The following DMD variants were observed in gnomAD, a reference collection of about 807,000 sequenced individuals.
DMD encodes the protein dystrophin.
In DMD, 63 loss-of-function variants were observed where a neutral mutation model predicts 330.1. That is an observed-to-expected ratio of 0.19 (90% CI 0.16 to 0.24). DMD has a LOEUF of 0.24. Among genes scored for constraint, DMD ranks in the 10% least tolerant of loss-of-function variants. DMD has a pLI of 1.00. For missense variants in DMD, 3,344 were observed against 2,684.1 expected, an observed-to-expected ratio of 1.25 and a Z score of -5.43; for synonymous variants, 1,223 against 959.8, an observed-to-expected ratio of 1.27 and a Z score of -5.07.
At chrX:32,743,624 G>A (rs976692239) in intron 7 of DMD, among the ~76,000 whole-genome samples, 1 of 110,803 alleles carries the variant, frequency 9.0e-6, no homozygotes, top group Non-Finnish European at 1.9e-5. Context: ...CAAGAAAAGT[G>A]ACCGTGGAAG....
Position 31,206,602 on chromosome X carries a change from T to C in DMD, c.9629A>G (p.His3210Arg). Residue 3210 changes from histidine to arginine, a missense_variant, in exon 66 of 79, where the codon CAT becomes CGT. Coordinates refer to ENST00000357033, the MANE Select transcript of DMD (RefSeq NM_004006.3). ...CTTACATCTGTACTTGTCTTCCAAATGTGCTTTACACAGGGAAATGATGCC... is the reference window on the plus strand; with the variant it reads ...CTTACATCTGTACTTGTCTTCCAAACGTGCTTTACACAGGGAAATGATGCC... ...KTGIISLCKA[H>R]LEDKYRYLFK... 8.3e-7 allele frequency: 1 copy of C among 1,210,368 alleles called. No individual in the cohort carries two copies. The highest frequency in any genetic ancestry group is 1.8e-5 in the South Asian group (1 of 56,753).
intron 7 of DMD, among the ~76,000 whole-genome samples, chrX:32,778,029 G>C (rs1053125073): frequency 5.4e-5 from 6 of 111,775 alleles, no homozygotes; most frequent in African/African-American, 2.0e-4. Flanking sequence ...TACTGGAAAA[G>C]AGACTGTAGG....
chrX:31,669,246 TTTTTCC>T (rs1270349349), intron 53 of DMD, among the ~76,000 whole-genome samples: 1 of 112,125 alleles, frequency 8.9e-6, no homozygotes, highest in African/African-American at 3.2e-5. Flanking sequence ...AGTGTTACCT[TTTTTCC>T]ATATCCTTGA....
intron 4 of DMD, 98 bp downstream of exon 4, chrX:32,844,685 A>G: frequency 2.7e-6 from 2 of 730,296 alleles, no homozygotes; most frequent in Middle Eastern, 3.4e-4. Context: ...TTACAAGAGA[A>G]TTTGAAATAC....
chrX:33,133,787 GGT>G (rs2095511721), intron 1 of DMD, among the ~76,000 whole-genome samples: 1 of 111,795 alleles, frequency 8.9e-6, no homozygotes, highest in Non-Finnish European at 1.9e-5. Context: ...TCATCACTGT[GGT>G]GTGTGTCTGT....
intron 7 of DMD, among the ~76,000 whole-genome samples, chrX:32,801,333 G>A (rs1444162554): frequency 2.7e-5 from 3 of 111,425 alleles, no homozygotes; most frequent in Non-Finnish European, 5.7e-5. Flanking sequence ...TCTTTGAGAA[G>A]GGTCTGTTCA....
At chrX:32,836,083 G>A (rs2079595968) in intron 4 of DMD, among the ~76,000 whole-genome samples, 3 of 109,760 alleles carry the variant, frequency 2.7e-5, no homozygotes, top group Middle Eastern at 4.6e-3. Flanking sequence ...CCAGACTAGA[G>A]TGCAGTGGTA....
chrX:31,272,040 T>C (rs1020924268), intron 62 of DMD, among the ~76,000 whole-genome samples: 1 of 111,305 alleles, frequency 9.0e-6, no homozygotes, highest in Non-Finnish European at 1.9e-5. Flanking sequence ...GCCCTGTCTC[T>C]TTAGGGAGGC....
intron 1 of DMD, among the ~76,000 whole-genome samples, chrX:33,095,459 C>A (rs1301307223): frequency 2.7e-5 from 3 of 112,116 alleles, no homozygotes; most frequent in Non-Finnish European, 5.6e-5. Context: ...AGAACAATTT[C>A]AAGGGAACCT....
chrX:32,227,075 GT>G (rs1334530304), intron 43 of DMD, among the ~76,000 whole-genome samples: 1 of 106,020 alleles, frequency 9.4e-6, no homozygotes, highest in Non-Finnish European at 1.9e-5. Flanking sequence ...TAAGGTGAGT[GT>G]TTTAAACCAA....
At chrX:32,187,615 A>T (rs1272460704) in intron 44 of DMD, among the ~76,000 whole-genome samples, 1 of 112,049 alleles carries the variant, frequency 8.9e-6, no homozygotes, top group East Asian at 2.8e-4. Context: ...TGTGAAGCTC[A>T]TGGGGAAATT....
intron 45 of DMD, among the ~76,000 whole-genome samples, chrX:31,935,784 C>T (rs1440831511): frequency 9.1e-6 from 1 of 110,129 alleles, no homozygotes; most frequent in Admixed American, 9.7e-5. Flanking sequence ...AACCCCAAAC[C>T]CCCCAAACAA....
chrX:32,448,737 T>A (rs1239500917), intron 26 of DMD, 99 bp from the exon 27 acceptor site: 20 of 767,906 alleles, frequency 2.6e-5, no homozygotes, highest in Middle Eastern at 4.7e-4. Flanking sequence ...AACATCCCAG[T>A]TAGAATGAGA....
At chrX:31,206,802 A>G in intron 65 of DMD, 135 bp from the exon 66 acceptor site, 1 of 522,557 alleles carries the variant, frequency 1.9e-6, no homozygotes. Flanking sequence ...TCTATTGACC[A>G]CTGTTTTATT....
chrX:31,422,998 C>A (rs2063523779), intron 60 of DMD, among the ~76,000 whole-genome samples: 1 of 111,671 alleles, frequency 9.0e-6, no homozygotes, highest in Non-Finnish European at 1.9e-5. Flanking sequence ...ACTCTTGCTG[C>A]ACGGATATAT....
intron 29 of DMD, among the ~76,000 whole-genome samples, chrX:32,435,541 T>G (rs1303500159): frequency 9.1e-6 from 1 of 109,961 alleles, no homozygotes; most frequent in Non-Finnish European, 1.9e-5. Flanking sequence ...ACATAGCCAG[T>G]GAATTACAGA....
At chrX:32,862,354 G>T (rs67504803) in intron 2 of DMD, among the ~76,000 whole-genome samples, 7,247 of 111,606 alleles carry the variant, frequency 0.065, 533 homozygotes, top group African/African-American at 0.22. Flanking sequence ...ATGTGCATTC[G>T]AACTTTAAAT....
intron 74 of DMD, among the ~76,000 whole-genome samples, chrX:31,155,096 G>A (rs1307590359): frequency 8.9e-6 from 1 of 112,364 alleles, no homozygotes; most frequent in Non-Finnish European, 1.9e-5. Flanking sequence ...AATCAAATTG[G>A]CAAGGCTTGT....
Position 31,658,161 on chromosome X carries a change from G to T in DMD, c.7873-17C>A, listed in dbSNP as rs762148710. The T allele has an allele frequency of 8.3e-7, 1 of 1,208,403 alleles. No individual in the cohort carries two copies. The highest frequency in any genetic ancestry group is 1.8e-5 in the South Asian group (1 of 56,909). On this transcript the variant is annotated splice_polypyrimidine_tract_variant and intron_variant, in intron 53 of 78. Transcript: ENST00000357033. ...GGCCAACTGCTATAGATTTTTATGA[G>T]AAAGAGAATGAATGTCAGTTTTTTT...
Sources: allele counts gnomAD v4.1 joint callset (sites outside exome capture counted in the v4.1 genomes callset), GRCh38; gene constraint gnomAD v4.1.1; transcripts MANE v1.5; gene names NCBI Gene and HGNC (gene_info 2026-07-23, HGNC 2026-07-21).